Variants in SIPA1L1 observed in about 807,000 individuals in gnomAD.
SIPA1L1 encodes the protein signal-induced proliferation-associated 1-like protein 1.
In SIPA1L1, 26 loss-of-function variants were observed where a neutral mutation model predicts 162.7. That is an observed-to-expected ratio of 0.16 (90% CI 0.12 to 0.22). SIPA1L1 has a LOEUF of 0.22. Ranked by LOEUF, SIPA1L1 falls within the 10% of genes least tolerant of loss-of-function variation. The pLI is 1.00. For synonymous variants in SIPA1L1, 829 were observed against 837.4 expected (o/e 0.99, Z 0.17); for missense variants, 1,874 against 2,241.0 (o/e 0.84, Z 3.31).
rs903067851 is a variant in SIPA1L1, at chr14:71,527,776, G to C, written c.-361-1536G>C. On this transcript the variant is annotated intron_variant, in intron 3 of 23. Coordinates refer to ENST00000381232, the MANE Select transcript of SIPA1L1 (RefSeq NM_001386936.1). ...CATCATACTACCTGGAAACTTAATT[G>C]TCTTAAAGCTTAGTTAGACTTTCAT... 8.5e-4 allele frequency among the ~76,000 whole-genome samples: 129 copies of C among 152,252 alleles called. 1 individual carries two copies. The highest frequency in any genetic ancestry group is 3.1e-3 in the African/African-American group (128 of 41,540).
At chr14:71,594,864 A>C (rs2035850445) in intron 5 of SIPA1L1, among the ~76,000 whole-genome samples, 1 of 152,218 alleles carries the variant, frequency 6.6e-6, no homozygotes, top group South Asian at 2.1e-4. Flanking sequence ...CTGAGAAGCT[A>C]AGCTAGGAGT....
At chr14:71,440,368 T>A (rs190074800) in intron 2 of SIPA1L1, among the ~76,000 whole-genome samples, 1 of 151,874 alleles carries the variant, frequency 6.6e-6, no homozygotes, top group South Asian at 2.1e-4. Flanking sequence ...AAAAATAAAA[T>A]ATGTCTAGGT....
chr14:71,471,863 C>A (rs1041885422), intron 2 of SIPA1L1, among the ~76,000 whole-genome samples: 3 of 152,066 alleles, frequency 2.0e-5, no homozygotes, highest in African/African-American at 7.2e-5. Context: ...TGGGTGAGGT[C>A]AGCTAATTAT....
At chr14:71,547,047 G>T (rs1188411558) in intron 4 of SIPA1L1, among the ~76,000 whole-genome samples, 1 of 151,518 alleles carries the variant, frequency 6.6e-6, no homozygotes. Context: ...CTATATTGTG[G>T]TGCTTATTGC....
chr14:71,640,607 C>T (rs1210029484), intron 7 of SIPA1L1, among the ~76,000 whole-genome samples: 1 of 152,100 alleles, frequency 6.6e-6, no homozygotes, highest in Non-Finnish European at 1.5e-5. Flanking sequence ...ATCTGTAAAA[C>T]AATTATATTG....
intron 2 of SIPA1L1, among the ~76,000 whole-genome samples, chr14:71,481,372 G>C (rs973335934): frequency 6.6e-6 from 1 of 152,156 alleles, no homozygotes; most frequent in African/African-American, 2.4e-5. Flanking sequence ...CCAGCTACTT[G>C]GGATGCTGAG....
chr14:71,409,494 T>A (rs1445916425), intron 2 of SIPA1L1, among the ~76,000 whole-genome samples: 2 of 152,150 alleles, frequency 1.3e-5, no homozygotes, highest in African/African-American at 4.8e-5. Flanking sequence ...GGAGCCAGAT[T>A]TACTACTCTT....
At chr14:71,483,873 T>C (rs1158078502) in intron 2 of SIPA1L1, among the ~76,000 whole-genome samples, 2 of 152,206 alleles carry the variant, frequency 1.3e-5, no homozygotes, top group East Asian at 3.8e-4. Context: ...CACTATGCTC[T>C]CTGTCACCGG....
chr14:71,505,459 T>C (rs185212214), intron 2 of SIPA1L1, among the ~76,000 whole-genome samples: 3 of 151,990 alleles, frequency 2.0e-5, no homozygotes, highest in Admixed American at 1.3e-4. Flanking sequence ...TATAGGTTTT[T>C]GTCTCTGTGT....
Position 71,597,221 on chromosome 14 carries a change from A to G in SIPA1L1, c.1498+7851A>G, listed in dbSNP as rs549716402. Among the ~76,000 whole-genome samples, 69 of 151,960 alleles carry G rather than the reference A, an allele frequency of 4.5e-4. 1 individual carries two copies. Among genetic ancestry groups the G allele is most frequent in the African/African-American group, 1.4e-3 (58 of 41,428 alleles). ...GGTCTCAAACTCCTGGGCTCAAGCA[A>G]TCCTCCCACCTCAGCCTCCCAAAGA... On this transcript the variant is annotated intron_variant, in intron 5 of 23. Transcript: ENST00000381232.
chr14:71,507,105 A>C lies in SIPA1L1; in HGVS notation c.-464-5638A>C, dbSNP rs572952814. Among the ~76,000 whole-genome samples the C allele has an allele frequency of 2.6e-5, 4 of 152,304 alleles. No individual in the cohort carries two copies. In the East Asian group the frequency reaches 5.8e-4, roughly 22 times the overall value. On this transcript the variant is annotated intron_variant, in intron 2 of 23. Transcript: ENST00000381232. ...GATGGCTTTTGCAGTGTAATGCCTT[A>C]AATTCTTGCCTTCTAGGTTAAATGG...
intron 4 of SIPA1L1, among the ~76,000 whole-genome samples, chr14:71,582,491 G>A (rs190149863): frequency 5.9e-5 from 9 of 152,230 alleles, no homozygotes; most frequent in Admixed American, 2.6e-4. Context: ...CCTTAGAAGC[G>A]TAACTTTCTT....
At chr14:71,556,625 G>C (rs2056376443) in intron 4 of SIPA1L1, among the ~76,000 whole-genome samples, 1 of 152,270 alleles carries the variant, frequency 6.6e-6, no homozygotes, top group South Asian at 2.1e-4. Context: ...AAAGGATTCA[G>C]ATGAAGCGTT....
intron 2 of SIPA1L1, among the ~76,000 whole-genome samples, chr14:71,342,277 C>T (rs1460429481): frequency 2.0e-5 from 3 of 151,998 alleles, no homozygotes; most frequent in Non-Finnish European, 2.9e-5. Context: ...TTTTTTGTCC[C>T]CCAAAGTGCT....
At chr14:71,458,211 A>T (rs1341401617) in intron 2 of SIPA1L1, among the ~76,000 whole-genome samples, 1 of 152,006 alleles carries the variant, frequency 6.6e-6, no homozygotes, top group Non-Finnish European at 1.5e-5. Flanking sequence ...ATTTGAATTA[A>T]TTTTTTTGCT....
rs1286837909 is a variant in SIPA1L1, at chr14:71,723,705, C to T, written c.4267C>T (p.Pro1423Ser). ...PVVFTSARSS[P>S]KEELHPAAPS... is the part of the protein sequence containing the mutation. ...GGTTTTCACCAGTGCCCGGAGTTCA[C>T]CTAAAGAAGAGCTTCATCCAGCTGC... is the stretch of plus-strand genomic sequence containing the variant. The change falls in exon 18 of 24, where the codon CCT becomes TCT. Residue 1423 changes from proline (P) to serine (S), a missense_variant. Pro to Ser is a moderately conservative substitution (Grantham distance 74). Around this residue, in one of 5 missense-constraint regions of SIPA1L1, gnomAD observed 936 missense variants for 1,051.9 expected, o/e 0.89. Transcript: ENST00000381232. 9 of 1,614,058 alleles carry T rather than the reference C, an allele frequency of 5.6e-6. No individual in the cohort carries two copies. Among genetic ancestry groups the T allele is most frequent in the African/African-American group, 5.3e-5 (4 of 74,912 alleles).
At chr14:71,560,280 A>C (rs1315841262) in intron 4 of SIPA1L1, among the ~76,000 whole-genome samples, 1 of 152,252 alleles carries the variant, frequency 6.6e-6, no homozygotes, top group Non-Finnish European at 1.5e-5. Context: ...TAATTCTCCC[A>C]CATAAAAAGT....
intron 2 of SIPA1L1, among the ~76,000 whole-genome samples, chr14:71,439,883 A>C (rs1397530637): frequency 6.6e-6 from 1 of 152,206 alleles, no homozygotes; most frequent in Admixed American, 6.5e-5. Flanking sequence ...TGAGATGTTG[A>C]ATAATCTCAT....
At chr14:71,453,115 T>C (rs1467471388) in intron 2 of SIPA1L1, among the ~76,000 whole-genome samples, 1 of 152,234 alleles carries the variant, frequency 6.6e-6, no homozygotes, top group African/African-American at 2.4e-5. Flanking sequence ...ATGTAGCTAA[T>C]TAAAATGTTT....
Sources: allele counts gnomAD v4.1 joint callset (sites outside exome capture counted in the v4.1 genomes callset), GRCh38; gene constraint gnomAD v4.1.1; regional missense constraint gnomAD v4.1.1; transcripts MANE v1.5; gene names NCBI Gene and HGNC (gene_info 2026-07-23, HGNC 2026-07-21).